The following UVRAG variants were observed in gnomAD, a reference collection of about 807,000 sequenced individuals.
UVRAG encodes the protein UV radiation resistance associated, also known as UV radiation resistance-associated gene protein.
In UVRAG, 19 loss-of-function variants were observed where a neutral mutation model predicts 78.0. The observed-to-expected ratio is 0.24, with a 90% confidence interval of 0.17 to 0.36. UVRAG has a LOEUF of 0.36. Among genes scored for constraint, UVRAG ranks in the 10% least tolerant of loss-of-function variants. UVRAG has a pLI of 1.00. For synonymous variants in UVRAG, 323 were observed against 324.6 expected, an observed-to-expected ratio of 1.00 and a Z score of 0.05; for missense variants, 740 against 853.8, an observed-to-expected ratio of 0.87 and a Z score of 1.66.
At chr11:75,828,121 A>C (rs544870672) in intron 1 of UVRAG, among the ~76,000 whole-genome samples, 1 of 152,332 alleles carries the variant, frequency 6.6e-6, no homozygotes, top group African/African-American at 2.4e-5. Flanking sequence ...GACTATACTC[A>C]TTACAGGATA....
chr11:75,913,902 T>G (rs532633372), intron 6 of UVRAG, among the ~76,000 whole-genome samples: 29 of 152,360 alleles, frequency 1.9e-4, no homozygotes, highest in Admixed American at 5.2e-4. Context: ...ATTTGGCTCT[T>G]GGGGAGTTCA....
At chr11:75,871,045 A>G (rs1437778252) in intron 3 of UVRAG, among the ~76,000 whole-genome samples, 1 of 151,488 alleles carries the variant, frequency 6.6e-6, no homozygotes. Flanking sequence ...ATTTTTTTAT[A>G]TTTAGTAGAG....
intron 12 of UVRAG, among the ~76,000 whole-genome samples, chr11:76,045,568 A>G (rs905649528): frequency 2.0e-5 from 3 of 152,222 alleles, no homozygotes; most frequent in African/African-American, 7.2e-5. Context: ...GACAAGGGAA[A>G]GTACTATGTC....
At chr11:76,010,288 A>C (rs764646209) in intron 11 of UVRAG, among the ~76,000 whole-genome samples, 2 of 152,230 alleles carry the variant, frequency 1.3e-5, no homozygotes, top group Admixed American at 1.3e-4. Context: ...CACATGATGC[A>C]GAAAGTAAAC....
chr11:76,053,338 CACACAA>C (rs1270704534), intron 12 of UVRAG, among the ~76,000 whole-genome samples: 7 of 151,574 alleles, frequency 4.6e-5, no homozygotes, highest in African/African-American at 1.7e-4. Flanking sequence ...CACACACACA[CACACAA>C]AAATAAATAT....
At chr11:76,083,665 A>T (rs1215115491) in intron 13 of UVRAG, among the ~76,000 whole-genome samples, 4 of 152,230 alleles carry the variant, frequency 2.6e-5, no homozygotes, top group Admixed American at 2.0e-4. Flanking sequence ...AACCGGGAAG[A>T]GGAAATTACT....
At chr11:75,828,760 T>C (rs1254348804) in intron 1 of UVRAG, among the ~76,000 whole-genome samples, 6 of 112,940 alleles carry the variant, frequency 5.3e-5, no homozygotes, top group African/African-American at 2.4e-4. Context: ...CACACATATA[T>C]ATATATATAT....
intron 14 of UVRAG, among the ~76,000 whole-genome samples, chr11:76,124,214 G>T (rs1333599348): frequency 1.3e-5 from 2 of 152,296 alleles, no homozygotes; most frequent in South Asian, 2.1e-4. Context: ...TATTGTTTTT[G>T]ATTATTATTA....
chr11:76,121,059 T>C (rs894371637), intron 14 of UVRAG, among the ~76,000 whole-genome samples: 3 of 152,244 alleles, frequency 2.0e-5, no homozygotes, highest in Non-Finnish European at 4.4e-5. Flanking sequence ...ATTCACTGAA[T>C]TCCTCCTTAT....
At chr11:75,868,501 A>G (rs916662515) in intron 3 of UVRAG, among the ~76,000 whole-genome samples, 4 of 152,202 alleles carry the variant, frequency 2.6e-5, no homozygotes, top group Non-Finnish European at 5.9e-5. Context: ...AATTAATGCA[A>G]AATGGGGCAC....
At chr11:76,047,556 G>A (rs566176680) in intron 12 of UVRAG, among the ~76,000 whole-genome samples, 93 of 152,240 alleles carry the variant, frequency 6.1e-4, no homozygotes, top group Non-Finnish European at 1.1e-3. Context: ...AGAAGGACAA[G>A]GGAAGGGAAA....
In UVRAG at chr11:76,020,649, C is replaced by CT. The variant is rs35112254; in HGVS notation, c.1226+3693dup. 9.9e-3 allele frequency among the ~76,000 whole-genome samples: 518 copies of CT among 52,094 alleles called. 12 individuals carry two copies. Among genetic ancestry groups the CT allele is most frequent in the Non-Finnish European group, 0.012 (341 of 27,616 alleles). The allele number at this position is 52,094 out of a possible 152,430, so 34.2% of individuals were successfully genotyped here. A position where few individuals can be genotyped will look rare whatever the true frequency, so the allele number is the denominator to read the frequency against. ...CTCCCAACAAGCAGAAAGAAGGAGT[C>CT]TTTTTTTTTTTTTTTTTTTTTTTTG... On this transcript the variant is annotated intron_variant, in intron 12 of 14. Coordinates refer to ENST00000356136, the MANE Select transcript of UVRAG (RefSeq NM_003369.4).
chr11:76,047,478 C>T (rs1950781210), intron 12 of UVRAG, among the ~76,000 whole-genome samples: 1 of 152,126 alleles, frequency 6.6e-6, no homozygotes, highest in Non-Finnish European at 1.5e-5. Flanking sequence ...TTGACTTTAC[C>T]ATGCTGAGTT....
chr11:76,133,953 CTTTTCTTTTTTTTT>C (rs201290974), intron 14 of UVRAG, among the ~76,000 whole-genome samples: 1,510 of 142,096 alleles, frequency 0.011, 32 homozygotes, highest in African/African-American at 0.037. Context: ...TTCTTTTTTT[CTTTTCTTTTTTTTT>C]TTTTGAGACG....
intron 2 of UVRAG, among the ~76,000 whole-genome samples, chr11:75,854,334 A>G (rs1946236425): frequency 6.6e-6 from 1 of 152,112 alleles, no homozygotes; most frequent in Non-Finnish European, 1.5e-5. Flanking sequence ...CTTGTGGGAG[A>G]TTTTTAAATG....
chr11:76,140,917 C>T lies in UVRAG; in HGVS notation c.1604C>T (p.Pro535Leu), dbSNP rs754572586. The T allele has an allele frequency of 2.5e-6, 4 of 1,614,064 alleles. No individual in the cohort carries two copies. The African/African-American group carries it at 5.3e-5, about 22-fold the overall frequency. Residue 535 changes from proline to leucine, a missense_variant, in exon 15 of 15, where the codon CCC becomes CTC. Physicochemically the swap from Pro to Leu is moderately conservative, Grantham distance 98. Coordinates refer to ENST00000356136, the MANE Select transcript of UVRAG (RefSeq NM_003369.4). ...SALAQPVTTVPSMGETERKIT... is the reference protein window; with the variant it reads ...SALAQPVTTVLSMGETERKIT... ...TTAGCCCAGCCTGTGACCACCGTCC[C>T]CTCCATGGGAGAGACCGAGAGAAAG...
intron 14 of UVRAG, among the ~76,000 whole-genome samples, chr11:76,119,193 T>G (rs1952234358): frequency 6.6e-6 from 1 of 152,222 alleles, no homozygotes; most frequent in African/African-American, 2.4e-5. Flanking sequence ...CACCTGGCCT[T>G]GCTGGCCATT....
chr11:75,894,956 A>G (rs1430297028), intron 5 of UVRAG, among the ~76,000 whole-genome samples: 1 of 152,212 alleles, frequency 6.6e-6, no homozygotes, highest in Non-Finnish European at 1.5e-5. Flanking sequence ...TGGGGGTAGC[A>G]TTATGTCCAA....
At chr11:76,098,684 G>A (rs1306623604) in intron 13 of UVRAG, among the ~76,000 whole-genome samples, 1 of 152,068 alleles carries the variant, frequency 6.6e-6, no homozygotes, top group Non-Finnish European at 1.5e-5. Context: ...AAGATGAATA[G>A]CACAAAGAGT....
Sources: gnomAD v4.1 joint callset for allele counts (sites outside exome capture counted in the v4.1 genomes callset) on GRCh38, gnomAD v4.1.1 for gene constraint, MANE v1.5 for transcripts, NCBI Gene and HGNC (gene_info 2026-07-23, HGNC 2026-07-21) for gene names.